The following TNS3 variants were observed in gnomAD, a reference collection of about 807,000 sequenced individuals.
TNS3 encodes the protein tensin-3.
A neutral mutation model predicts 140.9 loss-of-function variants in TNS3; 45 were observed. That is an observed-to-expected ratio of 0.32 (90% confidence interval 0.25 to 0.41). The LOEUF (loss-of-function observed/expected upper bound fraction) is 0.41, where lower values mean the gene tolerates loss of function less well. TNS3 is among the 10% of genes least tolerant of loss of function. TNS3 has a pLI of 1.00. For missense variants in TNS3, 1,716 were observed against 1,906.7 expected (o/e 0.90, Z 1.86); for synonymous variants, 815 against 788.4 (o/e 1.03, Z -0.56).
intron 20 of TNS3, among the ~76,000 whole-genome samples, chr7:47,334,433 T>C (rs772503778): frequency 1.3e-5 from 2 of 152,168 alleles, no homozygotes; most frequent in African/African-American, 4.8e-5. Context: ...GTAAAGCTGT[T>C]ATAGGATAAG....
At chr7:47,444,115 G>C (rs80173493) in intron 4 of TNS3, among the ~76,000 whole-genome samples, 7,671 of 152,204 alleles carry the variant, frequency 0.05, 235 homozygotes, top group Non-Finnish European at 0.071. Flanking sequence ...TCTCATTATG[G>C]GGAAACTCAG....
intron 4 of TNS3, among the ~76,000 whole-genome samples, chr7:47,447,507 C>T (rs776533412): frequency 4.6e-5 from 7 of 152,174 alleles, no homozygotes; most frequent in Non-Finnish European, 1.0e-4. Context: ...AGGTCCTCCA[C>T]TCGCCTAGGC....
chr7:47,328,302 C>T (rs1788140780), intron 20 of TNS3, among the ~76,000 whole-genome samples: 1 of 152,222 alleles, frequency 6.6e-6, no homozygotes, highest in Non-Finnish European at 1.5e-5. Flanking sequence ...TCAGTGCCTC[C>T]AGACGGCCCT....
At chr7:47,313,714 A>G (rs2150785527) in intron 20 of TNS3, among the ~76,000 whole-genome samples, 1 of 152,346 alleles carries the variant, frequency 6.6e-6, no homozygotes, top group South Asian at 2.1e-4. Context: ...GCCATGACTC[A>G]GAAGCCCTCA....
At chr7:47,547,735 A>G (rs1799959887) in intron 1 of TNS3, among the ~76,000 whole-genome samples, 1 of 152,162 alleles carries the variant, frequency 6.6e-6, no homozygotes, top group Non-Finnish European at 1.5e-5. Flanking sequence ...ATCAGTGCAT[A>G]GCTGCTCTGT....
intron 5 of TNS3, among the ~76,000 whole-genome samples, chr7:47,440,375 C>G (rs927868222): frequency 3.9e-5 from 6 of 152,192 alleles, no homozygotes; most frequent in African/African-American, 7.2e-5. Context: ...GCTGGGACCC[C>G]ACCCAGCTAG....
At chr7:47,401,307 T>C (rs1194513361) in intron 13 of TNS3, among the ~76,000 whole-genome samples, 1 of 152,250 alleles carries the variant, frequency 6.6e-6, no homozygotes, top group Non-Finnish European at 1.5e-5. Context: ...TTTTCTAGAC[T>C]TTAACAACTG....
intron 13 of TNS3, among the ~76,000 whole-genome samples, chr7:47,408,026 G>A (rs930357920): frequency 3.9e-5 from 6 of 152,262 alleles, no homozygotes; most frequent in East Asian, 1.9e-4. Flanking sequence ...AGCAAGAGGC[G>A]GCTGGCGGGT....
At chr7:47,412,294 CA>C (rs1457504735) in intron 12 of TNS3, among the ~76,000 whole-genome samples, 1 of 152,180 alleles carries the variant, frequency 6.6e-6, no homozygotes, top group Non-Finnish European at 1.5e-5. Context: ...GGAATGTGTA[CA>C]AATTTGGGGG....
At chr7:47,395,976 G>A (rs1792807315) in intron 16 of TNS3, among the ~76,000 whole-genome samples, 1 of 152,170 alleles carries the variant, frequency 6.6e-6, no homozygotes, top group African/African-American at 2.4e-5. Flanking sequence ...TGGAGTCATG[G>A]GAAGCTCAGC....
intron 1 of TNS3, among the ~76,000 whole-genome samples, chr7:47,568,697 A>G (rs923426881): frequency 3.3e-5 from 5 of 152,258 alleles, no homozygotes; most frequent in Admixed American, 6.5e-5. Context: ...CTGCTGTGCC[A>G]TATCGCATTC....
chr7:47,278,321 G>A, intron 30 of TNS3, 101 bp from the exon 31 acceptor site: 1 of 1,398,188 alleles, frequency 7.2e-7, no homozygotes, highest in Non-Finnish European at 9.5e-7. Context: ...AATTTTAAGT[G>A]GCACCTATCA....
chr7:47,551,308 C>T (rs1246455585), intron 1 of TNS3, among the ~76,000 whole-genome samples: 2 of 152,198 alleles, frequency 1.3e-5, no homozygotes, highest in South Asian at 2.1e-4. Context: ...ACCCTGGGCA[C>T]GTCCTGAAGG....
At chr7:47,319,215 A>G (rs1787588038) in intron 20 of TNS3, among the ~76,000 whole-genome samples, 1 of 152,212 alleles carries the variant, frequency 6.6e-6, no homozygotes, top group East Asian at 1.9e-4. Flanking sequence ...TGAAGGCTGT[A>G]GAAAAAGCAT....
chr7:47,380,336 A>G (rs182907894), intron 16 of TNS3, among the ~76,000 whole-genome samples: 5 of 152,260 alleles, frequency 3.3e-5, no homozygotes, highest in African/African-American at 9.6e-5. Flanking sequence ...CTAACTGAAA[A>G]CACAGGGGCC....
chr7:47,344,802 G>T lies in TNS3; in HGVS notation c.2603C>A (p.Pro868His). The T allele has an allele frequency of 6.2e-7, 1 of 1,613,514 alleles. No homozygotes were observed. The highest frequency in any genetic ancestry group is 1.3e-5 in the African/African-American group (1 of 75,046). ...TALRHPPFSP[P>H]EPPLSSPASQ... Reference sequence around the variant, plus strand: ...GGCTGGGCTGCTCAGCGGGGGCTCAGGTGGGCTGAACGGAGGATGGCGCAG... The same window carrying T: ...GGCTGGGCTGCTCAGCGGGGGCTCATGTGGGCTGAACGGAGGATGGCGCAG... The change falls in exon 20 of 31, where the codon CCT becomes CAT. Residue 868 changes from proline (P) to histidine (H), a missense_variant. By Grantham distance (77) the Pro-to-His change is moderately conservative. Coordinates refer to ENST00000311160, the MANE Select transcript of TNS3 (RefSeq NM_022748.12).
rs140799405 is a variant in TNS3 at position 47,389,109 on chromosome 7, CAGAAGA to C, written c.1024+7685_1024+7690del. On this transcript the variant is annotated intron_variant, in intron 16 of 30. Transcript: ENST00000311160. Reference sequence around the variant, plus strand: ...GAGGAAGAGGAAGAGGAAGCGGAAGCAGAAGAAGAAGAAGAAGAAGAAGAAGAAGAA... The same window carrying C: ...GAGGAAGAGGAAGAGGAAGCGGAAGCAGAAGAAGAAGAAGAAGAAGAAGAA... Among the ~76,000 whole-genome samples, 235 of 59,110 alleles carry C rather than the reference CAGAAGA, an allele frequency of 4.0e-3. 47 individuals are homozygous for C. The highest frequency in any genetic ancestry group is 9.3e-3 in the Middle Eastern group (1 of 108). 38.8% of individuals were successfully genotyped at this position (59,110 alleles called of 152,430 possible).
intron 2 of TNS3, among the ~76,000 whole-genome samples, chr7:47,525,190 G>A (rs1032042513): frequency 6.6e-6 from 1 of 152,198 alleles, no homozygotes; most frequent in African/African-American, 2.4e-5. Flanking sequence ...CCAGGCCAAA[G>A]TGGGCCTTGA....
chr7:47,457,998 A>C (rs1370206532), intron 4 of TNS3, among the ~76,000 whole-genome samples: 1 of 152,238 alleles, frequency 6.6e-6, no homozygotes, highest in African/African-American at 2.4e-5. Context: ...AGTCTGAGGC[A>C]CCAAAAAAAG....
Sources: allele counts gnomAD v4.1 joint callset (sites outside exome capture counted in the v4.1 genomes callset), GRCh38; gene constraint gnomAD v4.1.1; transcripts MANE v1.5; gene names NCBI Gene and HGNC (gene_info 2026-07-23, HGNC 2026-07-21).